The following WWP2 variants were observed in gnomAD, a reference collection of about 807,000 sequenced individuals.
WWP2 encodes the protein WW domain containing E3 ubiquitin protein ligase 2, also known as NEDD4-like E3 ubiquitin-protein ligase WWP2.
In WWP2, 57 loss-of-function variants were observed where a neutral mutation model predicts 121.0. That is an observed-to-expected ratio of 0.47 (90% CI 0.38 to 0.59). WWP2 has a LOEUF of 0.59. Ranked by LOEUF, WWP2 falls within the 20% of genes least tolerant of loss-of-function variation. WWP2 has a pLI of 0.00. For missense variants in WWP2, 962 were observed against 1,158.9 expected, an observed-to-expected ratio of 0.83 and a Z score of 2.47; for synonymous variants, 449 against 441.3, an observed-to-expected ratio of 1.02 and a Z score of -0.22.
chr16:69,765,781 G>A (rs1315873949), intron 1 of WWP2, among the ~76,000 whole-genome samples: 1 of 152,030 alleles, frequency 6.6e-6, no homozygotes, highest in Admixed American at 6.6e-5. Context: ...CCAAGATCGC[G>A]CCACTGCACT....
chr16:69,933,921 T>A (rs1314006654), intron 16 of WWP2, 49 bp from the exon 17 acceptor site: 1 of 1,590,562 alleles, frequency 6.3e-7, no homozygotes. Flanking sequence ...TGTGCAGATG[T>A]GCACGAAGGG....
intron 1 of WWP2, among the ~76,000 whole-genome samples, chr16:69,779,656 G>A (rs1421945694): frequency 9.9e-5 from 15 of 152,142 alleles, no homozygotes; most frequent in Admixed American, 8.5e-4. Context: ...CAGTTCAGGA[G>A]AACAAGATAG....
At chr16:69,807,034 CTT>C (rs931741508) in intron 4 of WWP2, among the ~76,000 whole-genome samples, 1 of 140,476 alleles carries the variant, frequency 7.1e-6, no homozygotes. Flanking sequence ...TTATCTTTGT[CTT>C]TTTTTTTTTG....
chr16:69,878,283 C>T (rs1274146917), intron 7 of WWP2, among the ~76,000 whole-genome samples: 1 of 152,082 alleles, frequency 6.6e-6, no homozygotes, highest in Non-Finnish European at 1.5e-5. Flanking sequence ...GACACAGAGA[C>T]ATGAAGTGAG....
chr16:69,936,771 T>A, intron 19 of WWP2: 4 of 493,976 alleles, frequency 8.1e-6, no homozygotes, highest in Non-Finnish European at 1.5e-5. Flanking sequence ...CTGTGGCCTG[T>A]GTGCCTAGAC....
At chr16:69,797,504 A>G (rs1485138423) in intron 2 of WWP2, among the ~76,000 whole-genome samples, 1 of 152,150 alleles carries the variant, frequency 6.6e-6, no homozygotes, top group African/African-American at 2.4e-5. Context: ...GTTTGTTGTG[A>G]GGATTCAGTT....
intron 7 of WWP2, among the ~76,000 whole-genome samples, chr16:69,875,249 T>C (rs566501471): frequency 1.3e-5 from 2 of 152,340 alleles, no homozygotes; most frequent in African/African-American, 4.8e-5. Context: ...GTCTAAAAAA[T>C]GTATACACTT....
chr16:69,939,123 G>A lies in WWP2; in HGVS notation c.2440G>A (p.Gly814Ser), dbSNP rs1281894801. ...LPVGGFAELI[G>S]SNGPQKFCID... ...CGTCGGGGGATTTGCCGAACTCATC[G>A]GTATGTTTTCTCTCGCCCTCTGGCG... is the stretch of plus-strand genomic sequence containing the variant. The change falls in exon 22 of 24, where the codon GGT (glycine) becomes AGT (serine). Residue 814 changes from glycine to serine, a missense_variant and splice_region_variant. Coordinates refer to ENST00000359154, the MANE Select transcript of WWP2 (RefSeq NM_001270454.2). 2.5e-6 allele frequency: 4 copies of A among 1,597,126 alleles called. No individual in the cohort carries two copies. The highest frequency in any genetic ancestry group is 3.4e-6 in the Non-Finnish European group (4 of 1,170,918).
chr16:69,916,564 T>C (rs1431978497), intron 9 of WWP2, among the ~76,000 whole-genome samples: 1 of 151,968 alleles, frequency 6.6e-6, no homozygotes. Flanking sequence ...GATCTGGACA[T>C]AGGAATGGAA....
chr16:69,921,582 G>C (rs2058562030), intron 10 of WWP2, among the ~76,000 whole-genome samples: 1 of 152,126 alleles, frequency 6.6e-6, no homozygotes, highest in Admixed American at 6.6e-5. Flanking sequence ...CCAACTCCTA[G>C]TGTGCTAATG....
chr16:69,829,696 T>A (rs1393233358), intron 4 of WWP2, among the ~76,000 whole-genome samples: 1 of 152,186 alleles, frequency 6.6e-6, no homozygotes, highest in Admixed American at 6.6e-5. Flanking sequence ...TATGTTAATA[T>A]CTCTTGCATG....
intron 7 of WWP2, among the ~76,000 whole-genome samples, chr16:69,886,513 A>G (rs2057928270): frequency 6.6e-6 from 1 of 151,956 alleles, no homozygotes; most frequent in South Asian, 2.1e-4. Context: ...TAATCCCAGC[A>G]CTTTGGGAGG....
intron 4 of WWP2, among the ~76,000 whole-genome samples, chr16:69,833,451 T>C (rs2056825901): frequency 6.6e-6 from 1 of 152,206 alleles, no homozygotes; most frequent in Non-Finnish European, 1.5e-5. Context: ...AGGAGGCACA[T>C]GGTGTCTGAT....
At chr16:69,907,137 A>C (rs2058307068) in intron 8 of WWP2, among the ~76,000 whole-genome samples, 1 of 152,184 alleles carries the variant, frequency 6.6e-6, no homozygotes, top group South Asian at 2.1e-4. Flanking sequence ...TATTACTGTG[A>C]ACTGGTGCAT....
chr16:69,814,863 G>A (rs1017451720), intron 4 of WWP2, among the ~76,000 whole-genome samples: 3 of 152,072 alleles, frequency 2.0e-5, no homozygotes, highest in South Asian at 2.1e-4. Flanking sequence ...CAGTTTTTCA[G>A]CTGGAAGATA....
At chr16:69,791,171 G>A (rs1479288721) in intron 2 of WWP2, among the ~76,000 whole-genome samples, 2 of 151,810 alleles carry the variant, frequency 1.3e-5, no homozygotes, top group African/African-American at 4.8e-5. Flanking sequence ...ACATCCTGAG[G>A]TCTCTGTTTT....
At chr16:69,864,353 C>T (rs946489992) in intron 6 of WWP2, among the ~76,000 whole-genome samples, 3 of 151,884 alleles carry the variant, frequency 2.0e-5, no homozygotes, top group Non-Finnish European at 4.4e-5. Flanking sequence ...CAGAGTGAGA[C>T]CCTGTCTGAA....
intron 7 of WWP2, among the ~76,000 whole-genome samples, chr16:69,884,043 C>A (rs145623978): frequency 6.6e-6 from 1 of 152,278 alleles, no homozygotes; most frequent in African/African-American, 2.4e-5. Flanking sequence ...TCCTATTCTG[C>A]TCACCTTCAG....
chr16:69,870,747 T>C (rs780309295), intron 6 of WWP2, among the ~76,000 whole-genome samples: 2 of 152,200 alleles, frequency 1.3e-5, no homozygotes, highest in Non-Finnish European at 2.9e-5. Flanking sequence ...AGTAGATGCT[T>C]ACTAAGTAGT....
Sources: gnomAD v4.1 joint callset for allele counts (sites outside exome capture counted in the v4.1 genomes callset) on GRCh38, gnomAD v4.1.1 for gene constraint, MANE v1.5 for transcripts, NCBI Gene and HGNC (gene_info 2026-07-23, HGNC 2026-07-21) for gene names.